CHST12: variants seen among roughly 807,000 people sequenced by gnomAD.
CHST12 encodes carbohydrate sulfotransferase 12.
Under a neutral mutation model 27.9 loss-of-function variants are expected in CHST12, and 23 were observed. That is an observed-to-expected ratio of 0.82 (90% CI 0.59 to 1.17). The LOEUF is 1.17. Ranked by LOEUF, CHST12 falls within the 50% of genes most tolerant of loss-of-function variation. The pLI is 0.00. For missense variants in CHST12, 682 were observed against 603.0 expected (o/e 1.13, Z -1.37); for synonymous variants, 322 against 273.0 (o/e 1.18, Z -1.77).
chr7:2,417,508 A>G (rs1210035858), intron 1 of CHST12, among the ~76,000 whole-genome samples: 2 of 150,488 alleles, frequency 1.3e-5, no homozygotes, highest in African/African-American at 4.9e-5. Context: ...TCCTGCCTCA[A>G]CCTCCCATGT....
rs1232847773 is a variant in CHST12 at position 2,433,930 on chromosome 7, G to A, written c.*46G>A. On this transcript the variant is annotated 3_prime_UTR_variant, in exon 2 of 2. Coordinates refer to ENST00000618655, the MANE Select transcript of CHST12 (RefSeq NM_018641.5). The surrounding 1 kb of genome is among the most constrained non-coding windows in gnomAD (Gnocchi z 6.1). ...CTCGCGTGCCTGGAACCTGACGCAC[G>A]CGCACTCCAGTTTTTTTATGACCTA... The A allele has an allele frequency of 6.6e-7, 1 of 1,506,650 alleles. No homozygotes were observed. The highest frequency in any genetic ancestry group is 2.3e-5 in the East Asian group (1 of 43,944). The allele number at this position is 1,506,650 out of a possible 1,614,324, so 93.3% of individuals were successfully genotyped here.
Position 2,437,789 on chromosome 7 carries a change from G to A in CHST12, c.*3905G>A, listed in dbSNP as rs1782509567. On this transcript the variant is annotated 3_prime_UTR_variant, in exon 2 of 2. Coordinates refer to ENST00000618655, the MANE Select transcript of CHST12 (RefSeq NM_018641.5). ...ACACACACATCGGGATATTTTTCTTGTTTCCTTCTTCCAGAGGGTGTAGGA... is the reference window on the plus strand; with the variant it reads ...ACACACACATCGGGATATTTTTCTTATTTCCTTCTTCCAGAGGGTGTAGGA... 6.6e-6 allele frequency: 1 copy of A among 152,038 alleles called. No homozygotes were observed. The highest frequency in any genetic ancestry group is 2.4e-5 in the African/African-American group (1 of 41,304). The allele number at this position is 152,038 out of a possible 1,614,324, so 9.4% of individuals were successfully genotyped here. A position where few individuals can be genotyped will look rare whatever the true frequency, so the allele number is the denominator to read the frequency against.
rs1254209593 is a variant in CHST12 at position 2,447,978 on chromosome 7, A to G, written c.*14094A>G. The G allele has an allele frequency of 6.6e-6, 1 of 152,050 alleles. No individual in the cohort carries two copies. 9.4% of individuals were successfully genotyped at this position (152,050 alleles called of 1,614,324 possible). ...CCTGCACCGTCCACCTCCTGGGTTC[A>G]AGCGCTTCTTCCCCAAGTAGCTGGG... On this transcript the variant is annotated 3_prime_UTR_variant, in exon 2 of 2. Transcript: ENST00000618655.
At chr7:2,404,062 G>C (rs952768525) in intron 1 of CHST12, 1 of 152,070 alleles carries the variant, frequency 6.6e-6, no homozygotes, top group Admixed American at 6.5e-5. Flanking sequence ...TCTGCCGCCC[G>C]GCAGGGGTAG....
At chr7:2,408,504 A>C (rs748813393) in intron 1 of CHST12, among the ~76,000 whole-genome samples, 1 of 152,214 alleles carries the variant, frequency 6.6e-6, no homozygotes, top group Admixed American at 6.5e-5. Flanking sequence ...AGGTTAGAAC[A>C]TGTGGAAAAA....
rs1174096042 is a variant in CHST12 at position 2,425,048 on chromosome 7, A to G, written c.-77-7515A>G. Among the ~76,000 whole-genome samples, 4 of 152,184 alleles carry G rather than the reference A, an allele frequency of 2.6e-5. No individual in the cohort carries two copies. The East Asian group carries it at 7.7e-4, about 29-fold the overall frequency. ...GAGTGAAACTCCATCTCTACTAAAA[A>G]TACAAAAATTAGCCAGGTGTGGTGG... is the stretch of plus-strand genomic sequence containing the variant. On this transcript the variant is annotated intron_variant, in intron 1 of 1. Transcript: ENST00000618655.
intron 1 of CHST12, among the ~76,000 whole-genome samples, chr7:2,426,977 C>T (rs1018963043): frequency 4.0e-5 from 6 of 151,440 alleles, no homozygotes; most frequent in South Asian, 2.1e-4. Flanking sequence ...GGTGACACAG[C>T]GAGACCCTGT....
chr7:2,407,293 T>A (rs888121431), intron 1 of CHST12, among the ~76,000 whole-genome samples: 1 of 150,564 alleles, frequency 6.6e-6, no homozygotes, highest in Admixed American at 6.6e-5. Flanking sequence ...CAACAAAATT[T>A]AAAAATTAGC....
Position 2,447,172 on chromosome 7 carries a change from C to G in CHST12, c.*13288C>G, listed in dbSNP as rs962690779. 4 of 152,298 alleles carry G rather than the reference C, an allele frequency of 2.6e-5. No individual in the cohort carries two copies. The East Asian group carries it at 7.7e-4, about 29-fold the overall frequency. 9.4% of individuals were successfully genotyped at this position (152,298 alleles called of 1,614,324 possible). On this transcript the variant is annotated 3_prime_UTR_variant, in exon 2 of 2. Transcript: ENST00000618655. ...AGAGAGCCTGAAGGTCATGGGGTAG[C>G]TGGTGGAAGCAGGAAGACCCCATAC...
rs1292122115 is a variant in CHST12, at chr7:2,442,129, G to A, written c.*8245G>A. On this transcript the variant is annotated 3_prime_UTR_variant, in exon 2 of 2. Coordinates refer to ENST00000618655, the MANE Select transcript of CHST12 (RefSeq NM_018641.5). ...TTTGACTAGGGACCTCCTGTAAGTG[G>A]ATTTGTACAATATTTGTCCTTTTGT... The A allele has an allele frequency of 6.6e-6, 1 of 152,160 alleles. No individual in the cohort carries two copies. The highest frequency in any genetic ancestry group is 1.5e-5 in the Non-Finnish European group (1 of 68,044). 9.4% of individuals were successfully genotyped at this position (152,160 alleles called of 1,614,324 possible).
In CHST12 at chr7:2,437,112, T is replaced by G. The variant is rs1006092734; in HGVS notation, c.*3228T>G. 1 of 152,254 alleles carries G rather than the reference T, an allele frequency of 6.6e-6. No individual in the cohort carries two copies. Among genetic ancestry groups the G allele is most frequent in the African/African-American group, 2.4e-5 (1 of 41,466 alleles). The allele number at this position is 152,254 out of a possible 1,614,324, so 9.4% of individuals were successfully genotyped here. ...AGCAAATTATACATTTTATGAAAAT[T>G]GGCATCGTACAACTGGAAAATTTAA... On this transcript the variant is annotated 3_prime_UTR_variant, in exon 2 of 2. Coordinates refer to ENST00000618655, the MANE Select transcript of CHST12 (RefSeq NM_018641.5).
rs756902847 is a variant in CHST12 at position 2,432,793 on chromosome 7, C to A, written c.154C>A (p.Pro52Thr). Residue 52 changes from proline to threonine, a missense_variant, in exon 2 of 2, where the codon CCC becomes ACC. Pro to Thr is a conservative substitution (Grantham distance 38). Transcript: ENST00000618655. ...GCACACGGGGCCGCCGCTGCCCACGCCCGGGCCGGACAGGGACAGGGAGCT... is the reference window on the plus strand; with the variant it reads ...GCACACGGGGCCGCCGCTGCCCACGACCGGGCCGGACAGGGACAGGGAGCT... ...RPHTGPPLPT[P>T]GPDRDRELTA... The A allele has an allele frequency of 1.2e-6, 2 of 1,613,658 alleles. No individual in the cohort carries two copies. The highest frequency in any genetic ancestry group is 1.7e-6 in the Non-Finnish European group (2 of 1,179,798).
chr7:2,407,473 A>T lies in CHST12; in HGVS notation c.-78+3800A>T, dbSNP rs536880692. 1.3e-3 allele frequency among the ~76,000 whole-genome samples: 191 copies of T among 152,252 alleles called. 1 individual carries two copies. The Middle Eastern group carries it at 0.017, about 14-fold the overall frequency. ...TAAAAAATAAAATAAAATACATTTT[A>T]AAAAGTTTCCAGAAGAAAAAAATAG... On this transcript the variant is annotated intron_variant, in intron 1 of 1. Coordinates refer to ENST00000618655, the MANE Select transcript of CHST12 (RefSeq NM_018641.5).
intron 1 of CHST12, among the ~76,000 whole-genome samples, chr7:2,427,424 C>T (rs1006360803): frequency 2.0e-5 from 3 of 151,078 alleles, no homozygotes; most frequent in African/African-American, 7.3e-5. Context: ...TCACTTGAGC[C>T]TAGGAGGTCA....
intron 1 of CHST12, among the ~76,000 whole-genome samples, chr7:2,428,416 A>G (rs1419269611): frequency 1.3e-5 from 2 of 152,152 alleles, no homozygotes; most frequent in African/African-American, 4.8e-5. Flanking sequence ...GAAGCCCACA[A>G]TGCAACGGGG....
rs141491707 is a variant in CHST12, at chr7:2,433,154, A to C, written c.515A>C (p.Lys172Thr). ...GGGGCCATCTACTGCTACGTGCCCAAGGTGGCCTGCACCAACTGGAAGCGC... is the reference window on the plus strand; with the variant it reads ...GGGGCCATCTACTGCTACGTGCCCACGGTGGCCTGCACCAACTGGAAGCGC... ...RHGAIYCYVP[K>T]VACTNWKRVM... Residue 172 changes from lysine to threonine, a missense_variant, in exon 2 of 2, where the codon AAG (lysine) becomes ACG (threonine). Physicochemically the swap from Lys to Thr is moderately conservative, Grantham distance 78 (BLOSUM62 -1). Transcript: ENST00000618655. The surrounding 1 kb of genome is among the most constrained non-coding windows in gnomAD (Gnocchi z 6.1). 1.6e-5 allele frequency: 26 copies of C among 1,612,828 alleles called. No homozygotes were observed. The highest frequency in any genetic ancestry group is 2.1e-5 in the Non-Finnish European group (25 of 1,179,534).
In CHST12 at chr7:2,432,774, G is replaced by T. The variant is rs143942839; in HGVS notation, c.135G>T (p.Thr45=). The change falls in exon 2 of 2, where the codon ACG becomes ACT. Residue 45 remains threonine (T), a synonymous_variant. Transcript: ENST00000618655. ...ACACGTCCTTCTCTAGGCCGCACAC[G>T]GGGCCGCCGCTGCCCACGCCCGGGC... ...YLHTSFSRPH[T]GPPLPTPGPD... 5.6e-6 allele frequency: 9 copies of T among 1,613,688 alleles called. No individual in the cohort carries two copies. The highest frequency in any genetic ancestry group is 3.3e-4 in the Middle Eastern group (2 of 6,062).
rs747739538 is a variant in CHST12 at position 2,445,060 on chromosome 7, C to G, written c.*11176C>G. Reference sequence around the variant, plus strand: ...GGGCACAGATTTGCAAAGTGGATTTCAACATGTCGGGTTTCAAAGGGGGCT... The same window carrying G: ...GGGCACAGATTTGCAAAGTGGATTTGAACATGTCGGGTTTCAAAGGGGGCT... On this transcript the variant is annotated 3_prime_UTR_variant, in exon 2 of 2. Transcript: ENST00000618655. 3.9e-5 allele frequency: 6 copies of G among 152,198 alleles called. No individual in the cohort carries two copies. Among genetic ancestry groups the G allele is most frequent in the Non-Finnish European group, 8.8e-5 (6 of 68,034 alleles). The allele number at this position is 152,198 out of a possible 1,614,324, so 9.4% of individuals were successfully genotyped here. A position where few individuals can be genotyped will look rare whatever the true frequency, so the allele number is the denominator to read the frequency against.
At chr7:2,416,799 AT>A (rs1451479750) in intron 1 of CHST12, among the ~76,000 whole-genome samples, 1 of 152,186 alleles carries the variant, frequency 6.6e-6, no homozygotes, top group Non-Finnish European at 1.5e-5. Flanking sequence ...CAGTGGTCAC[AT>A]TTTTGTGAGG....
Sources: gnomAD v4.1 joint callset for allele counts (sites outside exome capture counted in the v4.1 genomes callset) on GRCh38, gnomAD v4.1.1 for gene constraint, Gnocchi (gnomAD v3.1) non-coding constraint, MANE v1.5 for transcripts, NCBI Gene and HGNC (gene_info 2026-07-23, HGNC 2026-07-21) for gene names.